B4GALNT3: variants seen among roughly 807,000 people sequenced by gnomAD.
B4GALNT3 encodes beta-1,4-N-acetyl-galactosaminyltransferase 3, also known as beta-1,4-N-acetylgalactosaminyltransferase 3.
Under a neutral mutation model 120.2 loss-of-function variants are expected in B4GALNT3, and 86 were observed. That is an observed-to-expected ratio of 0.72 (90% CI 0.60 to 0.86). B4GALNT3 has a LOEUF of 0.86. B4GALNT3 is among the 40% of genes least tolerant of loss of function. B4GALNT3 has a pLI of 0.00. For synonymous variants in B4GALNT3, 518 were observed against 510.4 expected, an observed-to-expected ratio of 1.01 and a Z score of -0.20; for missense variants, 1,167 against 1,298.9, an observed-to-expected ratio of 0.90 and a Z score of 1.56.
At chr12:544,307 GCTCA>G (rs910278987) in intron 3 of B4GALNT3, 28 bp from the exon 4 acceptor site, 6 of 1,605,438 alleles carry the variant, frequency 3.7e-6, no homozygotes, top group Non-Finnish European at 5.1e-6. Context: ...GGGTGCTCAC[GCTCA>G]CTCACCACTG....
At position 556,669 on chromosome 12, in the gene B4GALNT3, A is replaced by G. The variant is rs769087412; in HGVS notation, c.2183A>G (p.Tyr728Cys). The G allele has an allele frequency of 5.0e-6, 8 of 1,613,976 alleles. No homozygotes were observed. Among genetic ancestry groups the G allele is most frequent in the South Asian group, 2.2e-5 (2 of 91,086 alleles). Reference protein sequence around the residue: ...QGQRVVRLSEYVSARGWQGID... With the variant: ...QGQRVVRLSECVSARGWQGID... ...CAGCGCGTGGTGCGGCTCTCGGAGT[A>G]TGTGTCTGCACGAGGCTGGCAGGGC... Residue 728 changes from tyrosine to cysteine, a missense_variant, in exon 15 of 20, where the codon TAT becomes TGT. By Grantham distance (194) the Tyr-to-Cys change is radical (BLOSUM62 -2). Transcript: ENST00000266383.
At chr12:499,077 T>C (rs566921676) in intron 1 of B4GALNT3, among the ~76,000 whole-genome samples, 3 of 152,274 alleles carry the variant, frequency 2.0e-5, no homozygotes, top group South Asian at 2.1e-4. Context: ...CCCTTCATAA[T>C]GTATAATTTG....
chr12:536,251 A>G lies in B4GALNT3; in HGVS notation c.307A>G (p.Ser103Gly). 1 of 1,614,186 alleles carries G rather than the reference A, an allele frequency of 6.2e-7. No individual in the cohort carries two copies. Among genetic ancestry groups the G allele is most frequent in the Non-Finnish European group, 8.5e-7 (1 of 1,180,022 alleles). Residue 103 changes from serine to glycine, a missense_variant, in exon 3 of 20, where the codon AGC becomes GGC. This residue lies in a region of B4GALNT3 where 171 missense variants were observed against 161.3 expected (regional missense o/e 1.06). Coordinates refer to ENST00000266383, the MANE Select transcript of B4GALNT3 (RefSeq NM_173593.4). ...CATTGACCAAGGGGTGAGCAGTAAC[A>G]GCAGCTACTTGAAGTGGAACAAGCC... Reference protein sequence around the residue: ...HDIDQGVSSNSSYLKWNKPVP... With the variant: ...HDIDQGVSSNGSYLKWNKPVP...
At chr12:464,933 G>C (rs996684840) in intron 1 of B4GALNT3, among the ~76,000 whole-genome samples, 3 of 152,190 alleles carry the variant, frequency 2.0e-5, no homozygotes, top group Non-Finnish European at 4.4e-5. Flanking sequence ...CACCACAGCC[G>C]TTCTGATTTG....
intron 1 of B4GALNT3, among the ~76,000 whole-genome samples, chr12:491,485 A>T (rs113319452): frequency 6.6e-6 from 1 of 151,982 alleles, no homozygotes; most frequent in Non-Finnish European, 1.5e-5. Flanking sequence ...GTGCACCATC[A>T]TGCCCAGCTA....
In B4GALNT3 at chr12:459,947, C is replaced by T. The variant is rs1324542247; in HGVS notation, c.-430C>T. 6.7e-6 allele frequency among the ~76,000 whole-genome samples: 1 copy of T among 150,138 alleles called. No homozygotes were observed. Among genetic ancestry groups the T allele is most frequent in the Non-Finnish European group, 1.5e-5 (1 of 67,598 alleles). On this transcript the variant is annotated 5_prime_UTR_variant, in exon 1 of 20. Transcript: ENST00000266383. Reference sequence around the variant, plus strand: ...GGGGCCGGGGGCGGGCCAGGTTCCGCGAGCAGGAGAGCCCAGAGCCCGGAG... The same window carrying T: ...GGGGCCGGGGGCGGGCCAGGTTCCGTGAGCAGGAGAGCCCAGAGCCCGGAG...
intron 14 of B4GALNT3, 103 bp downstream of exon 14, chr12:554,086 G>A (rs965158606): frequency 9.2e-6 from 7 of 760,084 alleles, no homozygotes; most frequent in East Asian, 8.0e-5. Context: ...CCCCAGCCGC[G>A]GAAATAGCTG....
intron 1 of B4GALNT3, among the ~76,000 whole-genome samples, chr12:464,567 G>A (rs1182937535): frequency 1.3e-5 from 2 of 152,028 alleles, no homozygotes; most frequent in Non-Finnish European, 2.9e-5. Context: ...AGGAGGCAGA[G>A]GTTGCAGTGA....
intron 1 of B4GALNT3, among the ~76,000 whole-genome samples, chr12:467,525 C>T (rs952293031): frequency 2.0e-5 from 3 of 152,164 alleles, no homozygotes; most frequent in South Asian, 2.1e-4. Context: ...CGCCACTGCA[C>T]TCCAGCCTGG....
At chr12:532,320 C>T (rs891253594) in intron 1 of B4GALNT3, among the ~76,000 whole-genome samples, 4 of 152,238 alleles carry the variant, frequency 2.6e-5, no homozygotes, top group Admixed American at 1.3e-4. Context: ...AATCCACTCA[C>T]CTCCCTAAAT....
intron 7 of B4GALNT3, among the ~76,000 whole-genome samples, chr12:547,366 C>T (rs1324259877): frequency 6.6e-6 from 1 of 152,188 alleles, no homozygotes; most frequent in Non-Finnish European, 1.5e-5. Flanking sequence ...CATAGAATGC[C>T]AAGTGCTCCA....
At chr12:525,174 T>A (rs987725955) in intron 1 of B4GALNT3, among the ~76,000 whole-genome samples, 2 of 151,958 alleles carry the variant, frequency 1.3e-5, no homozygotes, top group South Asian at 2.1e-4. Flanking sequence ...AGTGGTGTGA[T>A]CTCGGCTCAC....
intron 3 of B4GALNT3, among the ~76,000 whole-genome samples, chr12:539,950 A>C (rs1946897945): frequency 6.6e-6 from 1 of 152,208 alleles, no homozygotes; most frequent in Non-Finnish European, 1.5e-5. Flanking sequence ...GTACCTCGAA[A>C]CTCTGAACAG....
intron 3 of B4GALNT3, chr12:543,299 C>A (rs1565607139): frequency 2.9e-6 from 3 of 1,019,736 alleles, no homozygotes; most frequent in Non-Finnish European, 4.0e-6. Flanking sequence ...TTCTGCCCAG[C>A]CTCCCGGAGC....
chr12:504,855 C>T (rs184452074), intron 1 of B4GALNT3, among the ~76,000 whole-genome samples: 2 of 152,034 alleles, frequency 1.3e-5, no homozygotes, highest in Admixed American at 1.3e-4. Flanking sequence ...CACAAAAACC[C>T]TTGTGTGAAA....
chr12:493,458 A>G (rs912926148), intron 1 of B4GALNT3, among the ~76,000 whole-genome samples: 3 of 152,238 alleles, frequency 2.0e-5, no homozygotes, highest in African/African-American at 7.2e-5. Flanking sequence ...ACTCTCATTC[A>G]TTGCTGGTGG....
rs141973513 is a variant in B4GALNT3, at chr12:476,394, C to T, written c.169+15849C>T. On this transcript the variant is annotated intron_variant, in intron 1 of 19. Transcript: ENST00000266383. ...TCCCTTGAGGCCGGAAGTTTAAGACCAGCCTGGGCAACATAGCAAGACCCC... is the reference window on the plus strand; with the variant it reads ...TCCCTTGAGGCCGGAAGTTTAAGACTAGCCTGGGCAACATAGCAAGACCCC... Among the ~76,000 whole-genome samples, 315 of 152,204 alleles carry T rather than the reference C, an allele frequency of 2.1e-3. 1 individual carries two copies. Among genetic ancestry groups the T allele is most frequent in the African/African-American group, 7.1e-3 (293 of 41,518 alleles).
chr12:499,876 T>G (rs1167747260), intron 1 of B4GALNT3, among the ~76,000 whole-genome samples: 1 of 152,238 alleles, frequency 6.6e-6, no homozygotes, highest in African/African-American at 2.4e-5. Flanking sequence ...TATGTGAAAT[T>G]TCCCAAGTTT....
chr12:491,794 G>C (rs1052354546), intron 1 of B4GALNT3, among the ~76,000 whole-genome samples: 1 of 151,678 alleles, frequency 6.6e-6, no homozygotes, highest in Admixed American at 6.6e-5. Context: ...GGTGGCTTAC[G>C]CCTGTAATCC....
Sources: gnomAD v4.1 joint callset for allele counts (sites outside exome capture counted in the v4.1 genomes callset) on GRCh38, gnomAD v4.1.1 for gene constraint, gnomAD v4.1.1 regional missense constraint, MANE v1.5 for transcripts, NCBI Gene and HGNC (gene_info 2026-07-23, HGNC 2026-07-21) for gene names.